Variants in POU2F1 observed in about 807,000 individuals in gnomAD.
POU2F1 encodes POU domain, class 2, transcription factor 1.
POU2F1 carries 16 observed loss-of-function variants against 84.9 expected under a neutral mutation model. The ratio of observed to expected loss-of-function variants is 0.19; its 90% CI spans 0.13 to 0.29. The LOEUF (loss-of-function observed/expected upper bound fraction) is 0.29, where lower values mean the gene tolerates loss of function less well. Among genes scored for constraint, POU2F1 ranks in the 10% least tolerant of loss-of-function variants. The pLI is 1.00. For missense variants in POU2F1, 738 were observed against 942.6 expected (o/e 0.78, Z 2.84); for synonymous variants, 368 against 368.3 (o/e 1.00, Z 0.01).
At chr1:167,398,338 A>G (rs1405275055) in intron 11 of POU2F1, among the ~76,000 whole-genome samples, 1 of 152,224 alleles carries the variant, frequency 6.6e-6, no homozygotes, top group Non-Finnish European at 1.5e-5. Flanking sequence ...AATCACATCC[A>G]TGCAAGCACT....
At chr1:167,279,507 A>G (rs1404497266) in intron 1 of POU2F1, among the ~76,000 whole-genome samples, 1 of 152,202 alleles carries the variant, frequency 6.6e-6, no homozygotes, top group Non-Finnish European at 1.5e-5. Context: ...AAGAGTTATG[A>G]CTTAGAACAG....
intron 8 of POU2F1, 66 bp downstream of exon 8, chr1:167,384,017 T>C: frequency 7.9e-7 from 1 of 1,265,514 alleles, no homozygotes; most frequent in Non-Finnish European, 1.0e-6. Context: ...TTGGACTTTA[T>C]TTAATTTTTT....
chr1:167,400,475 A>G (rs375205359), intron 12 of POU2F1, among the ~76,000 whole-genome samples: 8 of 152,220 alleles, frequency 5.3e-5, no homozygotes, highest in African/African-American at 1.9e-4. Flanking sequence ...AGCCCAGTTT[A>G]TTAAACTTAC....
At chr1:167,283,184 T>A (rs940925119) in intron 1 of POU2F1, among the ~76,000 whole-genome samples, 2 of 152,190 alleles carry the variant, frequency 1.3e-5, no homozygotes. Context: ...TAAAGTTTAT[T>A]TAAAAATATT....
intron 3 of POU2F1, among the ~76,000 whole-genome samples, chr1:167,367,104 A>T (rs894646517): frequency 3.9e-5 from 6 of 152,188 alleles, no homozygotes; most frequent in Non-Finnish European, 7.3e-5. Context: ...GACTGCAAAC[A>T]AAAGAATTTT....
At chr1:167,401,328 G>T in intron 12 of POU2F1, 123 bp from the exon 13 acceptor site, 1 of 581,762 alleles carries the variant, frequency 1.7e-6, no homozygotes, top group Non-Finnish European at 3.0e-6. Context: ...TCTTCGAATA[G>T]CAGCTTTCCA....
intron 2 of POU2F1, among the ~76,000 whole-genome samples, chr1:167,337,125 TGCACTCCAGCCTGGGCAACAAGA>T (rs1302412465): frequency 1.3e-5 from 2 of 149,560 alleles, no homozygotes; most frequent in Non-Finnish European, 3.0e-5. Flanking sequence ...ATTGGGCCAT[TGCACTCCAGCCTGGGCAACAAGA>T]GCGAAACTCC....
intron 1 of POU2F1, among the ~76,000 whole-genome samples, chr1:167,312,363 C>T (rs1655558828): frequency 6.6e-6 from 1 of 152,076 alleles, no homozygotes; most frequent in African/African-American, 2.4e-5. Context: ...AGTGGAATTA[C>T]AAGCATGTGC....
chr1:167,375,380 C>T (rs1306468471), intron 6 of POU2F1, among the ~76,000 whole-genome samples: 1 of 152,138 alleles, frequency 6.6e-6, no homozygotes, highest in African/African-American at 2.4e-5. Flanking sequence ...AGCTGTGAGA[C>T]CCTATATTAA....
chr1:167,338,908 T>C (rs1382025510), intron 2 of POU2F1, among the ~76,000 whole-genome samples: 1 of 152,222 alleles, frequency 6.6e-6, no homozygotes, highest in East Asian at 1.9e-4. Context: ...GTTCCGTTTT[T>C]CAATTCTTTG....
chr1:167,351,519 C>CAAAAAAAAAAAAAAAAAAAA, intron 2 of POU2F1, among the ~76,000 whole-genome samples: 1 of 45,994 alleles, frequency 2.2e-5, no homozygotes, highest in Non-Finnish European at 4.3e-5. Context: ...AGCACCATCT[C>CAAAAAAAAAAAAAAAAAAAA]AAAAAAAAAA....
chr1:167,290,669 A>G (rs1452237075), intron 1 of POU2F1, among the ~76,000 whole-genome samples: 1 of 152,226 alleles, frequency 6.6e-6, no homozygotes, highest in Non-Finnish European at 1.5e-5. Flanking sequence ...ATGTGTGAAC[A>G]TTTTATGAAA....
chr1:167,258,814 T>C (rs1218260955), intron 1 of POU2F1, among the ~76,000 whole-genome samples: 1 of 152,236 alleles, frequency 6.6e-6, no homozygotes, highest in Non-Finnish European at 1.5e-5. Flanking sequence ...ACAGGTCTAC[T>C]AATGAGAAGA....
At chr1:167,267,930 C>T (rs1042147906) in intron 1 of POU2F1, among the ~76,000 whole-genome samples, 7 of 151,974 alleles carry the variant, frequency 4.6e-5, no homozygotes, top group African/African-American at 7.3e-5. Context: ...TGTGAGCCAC[C>T]GTGCCCGGCC....
At chr1:167,304,762 G>T (rs1571263724) in intron 1 of POU2F1, among the ~76,000 whole-genome samples, 1 of 151,932 alleles carries the variant, frequency 6.6e-6, no homozygotes, top group East Asian at 1.9e-4. Context: ...AACTAATTTG[G>T]GCAAGTCCAA....
chr1:167,367,331 G>A (rs1201599664), intron 3 of POU2F1, among the ~76,000 whole-genome samples: 1 of 152,078 alleles, frequency 6.6e-6, no homozygotes, highest in Non-Finnish European at 1.5e-5. Flanking sequence ...CCATGAAAAT[G>A]GAAACCTTTT....
chr1:167,295,021 A>G (rs746184191), intron 1 of POU2F1, among the ~76,000 whole-genome samples: 1 of 151,690 alleles, frequency 6.6e-6, no homozygotes, highest in Non-Finnish European at 1.5e-5. Flanking sequence ...AATCCCAGCT[A>G]CTCAGGAGGC....
chr1:167,412,282 G>T lies in POU2F1; in HGVS notation c.1879G>T (p.Ala627Ser). Residue 627 changes from alanine to serine, a missense_variant, in exon 14 of 16, where the codon GCA (alanine) becomes TCA (serine). This residue lies in a region of POU2F1 where 319 missense variants were observed against 386.0 expected (regional missense o/e 0.83). Transcript: ENST00000367866. ...TGCAGGACTAAACCCAAGCCTGATG[G>T]CACCCTCACAGTTTGCGGCTGGGTA... is the stretch of plus-strand genomic sequence containing the variant. ...AAAGLNPSLM[A>S]PSQFAAGGAL... 2 of 1,560,040 alleles carry T rather than the reference G, an allele frequency of 1.3e-6. No individual in the cohort carries two copies. The highest frequency in any genetic ancestry group is 1.7e-6 in the Non-Finnish European group (2 of 1,149,570).
At chr1:167,285,547 C>G (rs266821) in intron 1 of POU2F1, among the ~76,000 whole-genome samples, 2 of 151,402 alleles carry the variant, frequency 1.3e-5, no homozygotes, top group Non-Finnish European at 2.9e-5. Flanking sequence ...GAGCTGAGAT[C>G]GCGCCACTGC....
Sources: gnomAD v4.1 joint callset for allele counts (sites outside exome capture counted in the v4.1 genomes callset) on GRCh38, gnomAD v4.1.1 for gene constraint, gnomAD v4.1.1 regional missense constraint, MANE v1.5 for transcripts, NCBI Gene and HGNC (gene_info 2026-07-23, HGNC 2026-07-21) for gene names.